The following SNTG1 variants were observed in gnomAD, a reference collection of about 807,000 sequenced individuals.
The protein encoded by SNTG1 is syntrophin gamma 1.
Under a neutral mutation model 74.7 loss-of-function variants are expected in SNTG1, and 39 were observed. The ratio of observed to expected loss-of-function variants is 0.52; its 90% CI spans 0.40 to 0.68. The LOEUF (loss-of-function observed/expected upper bound fraction) is 0.68, where lower values mean the gene tolerates loss of function less well. Ranked by LOEUF, SNTG1 falls within the 30% of genes least tolerant of loss-of-function variation. The pLI is 0.00. For synonymous variants in SNTG1, 254 were observed against 217.1 expected, an observed-to-expected ratio of 1.17 and a Z score of -1.49; for missense variants, 685 against 609.5, an observed-to-expected ratio of 1.12 and a Z score of -1.30.
rs370761603 is a variant in SNTG1, at chr8:50,792,314, G to T, written c.1396-357G>T. ...CCCTAATCCATATTTATCATCTGAT[G>T]TGTGCACAAAGAGATAAAAATACTT... On this transcript the variant is annotated intron_variant, in intron 18 of 18. Coordinates refer to ENST00000642720, the MANE Select transcript of SNTG1 (RefSeq NM_018967.5). Among the ~76,000 whole-genome samples the T allele has an allele frequency of 1.3e-3, 191 of 151,854 alleles. 1 individual carries two copies. The highest frequency in any genetic ancestry group is 4.4e-3 in the African/African-American group (184 of 41,484).
chr8:50,496,981 G>GAAA (rs34727478), intron 8 of SNTG1, among the ~76,000 whole-genome samples: 1,537 of 147,194 alleles, frequency 0.01, 9 homozygotes, highest in Middle Eastern at 0.039. Context: ...AAGAAAAATT[G>GAAA]AAAAAAAAAA....
At chr8:50,051,830 C>A (rs1480304304) in intron 1 of SNTG1, among the ~76,000 whole-genome samples, 1 of 152,064 alleles carries the variant, frequency 6.6e-6, no homozygotes, top group Non-Finnish European at 1.5e-5. Context: ...GAGATTAGGA[C>A]TTCAACCTAC....
At chr8:50,544,701 C>T (rs1472017164) in intron 11 of SNTG1, among the ~76,000 whole-genome samples, 2 of 151,976 alleles carry the variant, frequency 1.3e-5, no homozygotes, top group Non-Finnish European at 2.9e-5. Flanking sequence ...CAGCAATAAG[C>T]ATTTACAAAC....
At chr8:49,971,148 G>A (rs779192510) in intron 1 of SNTG1, among the ~76,000 whole-genome samples, 1 of 152,098 alleles carries the variant, frequency 6.6e-6, no homozygotes, top group Non-Finnish European at 1.5e-5. Flanking sequence ...GAATCCAGCA[G>A]CACATCAAAA....
intron 2 of SNTG1, among the ~76,000 whole-genome samples, chr8:50,281,754 C>T (rs2088468826): frequency 6.6e-6 from 1 of 152,100 alleles, no homozygotes; most frequent in Admixed American, 6.6e-5. Flanking sequence ...ATCATAGTAA[C>T]ATTGGTTTCT....
chr8:50,659,549 A>G (rs186403673), intron 15 of SNTG1, among the ~76,000 whole-genome samples: 4 of 152,316 alleles, frequency 2.6e-5, no homozygotes, highest in South Asian at 4.1e-4. Context: ...CAAAAATTAT[A>G]ATTACCTCAA....
chr8:50,777,517 T>C (rs1368212901), intron 18 of SNTG1, among the ~76,000 whole-genome samples: 3 of 151,404 alleles, frequency 2.0e-5, no homozygotes, highest in Non-Finnish European at 4.4e-5. Flanking sequence ...TGAGACTTTC[T>C]ACACTTTCAT....
At chr8:50,131,598 G>T (rs146061961) in intron 1 of SNTG1, among the ~76,000 whole-genome samples, 2,781 of 152,144 alleles carry the variant, frequency 0.018, 49 homozygotes, top group Middle Eastern at 0.075. Flanking sequence ...TAGATGTCTA[G>T]GTTGTTTTCA....
chr8:50,407,165 G>A (rs1181078248), intron 4 of SNTG1, among the ~76,000 whole-genome samples: 3 of 152,150 alleles, frequency 2.0e-5, no homozygotes, highest in Non-Finnish European at 4.4e-5. Context: ...ATTATGAGAT[G>A]AATTTGAGAC....
At chr8:50,020,539 A>G (rs1030124944) in intron 1 of SNTG1, among the ~76,000 whole-genome samples, 4 of 152,162 alleles carry the variant, frequency 2.6e-5, no homozygotes, top group African/African-American at 9.7e-5. Flanking sequence ...TTATCTGTAA[A>G]ATATTTTCTT....
chr8:50,172,306 G>A (rs1025027899), intron 1 of SNTG1, among the ~76,000 whole-genome samples: 1 of 152,142 alleles, frequency 6.6e-6, no homozygotes, highest in Non-Finnish European at 1.5e-5. Context: ...TTTCCCCAAA[G>A]TGTGTTCTAC....
At chr8:50,210,576 AC>A (rs1372362181) in intron 2 of SNTG1, among the ~76,000 whole-genome samples, 3 of 152,200 alleles carry the variant, frequency 2.0e-5, no homozygotes, top group Non-Finnish European at 2.9e-5. Flanking sequence ...CCAATATTCA[AC>A]ATTCTTAAAG....
intron 1 of SNTG1, among the ~76,000 whole-genome samples, chr8:50,073,775 A>T (rs1161927739): frequency 6.6e-6 from 1 of 151,960 alleles, no homozygotes; most frequent in East Asian, 1.9e-4. Context: ...CACGTGCATT[A>T]TCAATAGCAG....
chr8:50,608,238 G>T (rs893233620), intron 13 of SNTG1, among the ~76,000 whole-genome samples: 4 of 151,272 alleles, frequency 2.6e-5, no homozygotes, highest in Non-Finnish European at 5.9e-5. Flanking sequence ...TTTTGTTCAG[G>T]TTTTCTATAT....
chr8:50,445,971 C>A (rs982403079), intron 5 of SNTG1, among the ~76,000 whole-genome samples: 1 of 152,126 alleles, frequency 6.6e-6, no homozygotes, highest in African/African-American at 2.4e-5. Context: ...CAAAAATGAA[C>A]AGTTTCCAGG....
At chr8:50,774,949 G>A (rs527967703) in intron 18 of SNTG1, among the ~76,000 whole-genome samples, 35 of 150,152 alleles carry the variant, frequency 2.3e-4, no homozygotes, top group Non-Finnish European at 4.7e-4. Flanking sequence ...AAAAATGGGA[G>A]AATTAAAATT....
intron 8 of SNTG1, among the ~76,000 whole-genome samples, chr8:50,461,506 T>C (rs949479679): frequency 6.6e-6 from 1 of 152,198 alleles, no homozygotes; most frequent in Admixed American, 6.5e-5. Context: ...AACATAGATT[T>C]ATCTATTTTC....
intron 18 of SNTG1, among the ~76,000 whole-genome samples, chr8:50,781,442 C>T (rs1295446616): frequency 1.3e-5 from 2 of 151,942 alleles, no homozygotes; most frequent in African/African-American, 2.4e-5. Flanking sequence ...TGAATTGATC[C>T]GTTTACCATT....
intron 17 of SNTG1, among the ~76,000 whole-genome samples, chr8:50,728,120 T>G (rs1169559235): frequency 6.6e-6 from 1 of 152,170 alleles, no homozygotes; most frequent in Non-Finnish European, 1.5e-5. Context: ...CTCTGACCCA[T>G]GTAGTCTACC....
Sources: gnomAD v4.1 joint callset for allele counts (sites outside exome capture counted in the v4.1 genomes callset) on GRCh38, gnomAD v4.1.1 for gene constraint, MANE v1.5 for transcripts, NCBI Gene and HGNC (gene_info 2026-07-23, HGNC 2026-07-21) for gene names.